SPATA22: variants seen among roughly 807,000 people sequenced by gnomAD.
SPATA22 encodes spermatogenesis associated 22, also known as spermatogenesis-associated protein 22.
SPATA22 carries 29 observed loss-of-function variants against 47.8 expected under a neutral mutation model. The ratio of observed to expected loss-of-function variants is 0.61; its 90% CI spans 0.45 to 0.83. The LOEUF (loss-of-function observed/expected upper bound fraction) is 0.83, where lower values mean the gene tolerates loss of function less well. SPATA22 is among the 40% of genes least tolerant of loss of function. The probability of loss-of-function intolerance (pLI) is 0.00; values close to 1 mark genes in which losing one functional copy is unlikely to be tolerated. For synonymous variants in SPATA22, 133 were observed against 140.9 expected, an observed-to-expected ratio of 0.94 and a Z score of 0.40; for missense variants, 410 against 421.7, an observed-to-expected ratio of 0.97 and a Z score of 0.24.
At chr17:3,456,095 T>C (rs2072988358) in intron 5 of SPATA22, among the ~76,000 whole-genome samples, 1 of 152,160 alleles carries the variant, frequency 6.6e-6, no homozygotes, top group Non-Finnish European at 1.5e-5. Flanking sequence ...GGCTCTCTGT[T>C]TGTCTGTTAT....
chr17:3,443,646 G>A (rs2072647041), intron 7 of SPATA22, among the ~76,000 whole-genome samples: 1 of 151,888 alleles, frequency 6.6e-6, no homozygotes, highest in Non-Finnish European at 1.5e-5. Context: ...AATGAAAAAA[G>A]AAACATTGAA....
At position 3,488,012 on chromosome 17, in the gene SPATA22, C is replaced by T. The variant is rs1457747455; in HGVS notation, c.-73-18614G>A. Among the ~76,000 whole-genome samples the T allele has an allele frequency of 6.6e-6, 1 of 152,030 alleles. No individual in the cohort carries two copies. The highest frequency in any genetic ancestry group is 1.5e-5 in the Non-Finnish European group (1 of 68,016). On this transcript the variant is annotated intron_variant, in intron 1 of 8. Transcript: ENST00000541913. This position sits in a 1 kb window ranked among gnomAD's most constrained non-coding sequence, Gnocchi z 6.1. ...TACATATATGCAAGAAACCTAAGCA[C>T]AACAAATAAAAAATGATGCAAGAGA...
At chr17:3,450,056 G>A (rs1010309928) in intron 5 of SPATA22, among the ~76,000 whole-genome samples, 2 of 152,086 alleles carry the variant, frequency 1.3e-5, no homozygotes, top group Non-Finnish European at 2.9e-5. Flanking sequence ...GTTTCACCAC[G>A]TTGCCCAAGC....
intron 2 of SPATA22, among the ~76,000 whole-genome samples, chr17:3,467,969 T>C (rs1202577154): frequency 6.6e-6 from 1 of 152,182 alleles, no homozygotes; most frequent in African/African-American, 2.4e-5. Flanking sequence ...TGGCACACCC[T>C]TTTGGGCCTT....
chr17:3,484,370 T>TA (rs2150749298), intron 1 of SPATA22, among the ~76,000 whole-genome samples: 1 of 152,254 alleles, frequency 6.6e-6, no homozygotes, highest in African/African-American at 2.4e-5. Flanking sequence ...AACAGACAGG[T>TA]AACCAGGTAA....
chr17:3,494,267 G>C (rs1311196184), intron 1 of SPATA22: 4 of 1,068,552 alleles, frequency 3.7e-6, no homozygotes, highest in Non-Finnish European at 5.8e-6. Flanking sequence ...GCCTCCCAAA[G>C]TGCTGGGATG....
At chr17:3,483,961 A>G (rs1274657514) in intron 1 of SPATA22, among the ~76,000 whole-genome samples, 2 of 152,104 alleles carry the variant, frequency 1.3e-5, no homozygotes. Flanking sequence ...TGGCCGAGAA[A>G]ATTATTTTTA....
At chr17:3,454,782 C>G (rs1248056431) in intron 5 of SPATA22, among the ~76,000 whole-genome samples, 1 of 152,092 alleles carries the variant, frequency 6.6e-6, no homozygotes, top group African/African-American at 2.4e-5. Context: ...GTCTTTATAG[C>G]AGCATGATTT....
intron 7 of SPATA22, 133 bp from the exon 8 acceptor site, chr17:3,443,404 A>T: frequency 1.8e-6 from 1 of 553,194 alleles, no homozygotes; most frequent in East Asian, 3.3e-5. Context: ...AATAAAGAAG[A>T]CATTTTAAGA....
chr17:3,465,542 A>G (rs370056363), intron 3 of SPATA22, among the ~76,000 whole-genome samples: 2,160 of 151,258 alleles, frequency 0.014, 60 homozygotes, highest in African/African-American at 0.049. Context: ...GATTAAGGGC[A>G]GTGCAAGATG....
At chr17:3,500,868 A>G (rs1250005614) in intron 1 of SPATA22, 19 of 152,132 alleles carry the variant, frequency 1.2e-4, no homozygotes, top group Admixed American at 1.2e-3. Flanking sequence ...TAAATGGAAC[A>G]ACAAAGCCTC....
intron 7 of SPATA22, among the ~76,000 whole-genome samples, chr17:3,445,263 C>T (rs1197825352): frequency 6.6e-6 from 1 of 152,066 alleles, no homozygotes. Flanking sequence ...TCTGCTATTG[C>T]AGTTACGTGG....
intron 1 of SPATA22, among the ~76,000 whole-genome samples, chr17:3,505,451 C>T (rs999984836): frequency 1.3e-5 from 2 of 152,140 alleles, no homozygotes; most frequent in Non-Finnish European, 2.9e-5. Context: ...TTTGGAAGAG[C>T]GGGTTGTCAC....
At chr17:3,440,504 A>G (rs949500973) in intron 8 of SPATA22, 166 bp from the exon 9 acceptor site, 5 of 498,650 alleles carry the variant, frequency 1.0e-5, no homozygotes, top group African/African-American at 9.9e-5. Context: ...TTATTCACAT[A>G]TTGGTACCCT....
At chr17:3,479,094 G>T (rs1264401390) in intron 1 of SPATA22, among the ~76,000 whole-genome samples, 2 of 152,096 alleles carry the variant, frequency 1.3e-5, no homozygotes, top group Non-Finnish European at 2.9e-5. Flanking sequence ...ATCTTATCAT[G>T]TCTCTCCCCT....
intron 1 of SPATA22, among the ~76,000 whole-genome samples, chr17:3,487,339 AACAGC>A (rs2150751987): frequency 6.6e-6 from 1 of 152,346 alleles, no homozygotes; most frequent in African/African-American, 2.4e-5. Flanking sequence ...TTCCAAATAA[AACAGC>A]AAAGTTGGAA....
chr17:3,503,266 A>C (rs2074011283), intron 1 of SPATA22: 1 of 152,200 alleles, frequency 6.6e-6, no homozygotes, highest in African/African-American at 2.4e-5. Context: ...ATTCTTCCAA[A>C]GTGAACCCCA....
At chr17:3,457,550 C>A (rs2073025935) in intron 5 of SPATA22, among the ~76,000 whole-genome samples, 1 of 152,132 alleles carries the variant, frequency 6.6e-6, no homozygotes, top group Non-Finnish European at 1.5e-5. Context: ...AATAAAGCTG[C>A]AGCCATCACA....
chr17:3,495,821 C>A (rs2073899505), intron 1 of SPATA22, among the ~76,000 whole-genome samples: 1 of 152,182 alleles, frequency 6.6e-6, no homozygotes, highest in Non-Finnish European at 1.5e-5. Flanking sequence ...CCTGCCTCGG[C>A]CTCCCAAAGT....
Sources: allele counts gnomAD v4.1 joint callset (sites outside exome capture counted in the v4.1 genomes callset), GRCh38; gene constraint gnomAD v4.1.1; non-coding constraint Gnocchi (gnomAD v3.1); transcripts MANE v1.5; gene names NCBI Gene and HGNC (gene_info 2026-07-23, HGNC 2026-07-21).